BTBD9: variants seen among roughly 807,000 people sequenced by gnomAD.
The protein encoded by BTBD9 is BTB domain containing 9.
BTBD9 carries 49 observed loss-of-function variants against 64.3 expected under a neutral mutation model. That is an observed-to-expected ratio of 0.76 (90% CI 0.61 to 0.97). BTBD9 has a LOEUF of 0.97. Ranked by LOEUF, BTBD9 falls within the 50% of genes least tolerant of loss-of-function variation. The probability of loss-of-function intolerance (pLI) is 0.00; values close to 1 mark genes in which losing one functional copy is unlikely to be tolerated. For missense variants in BTBD9, 598 were observed against 762.1 expected (o/e 0.78, Z 2.53); for synonymous variants, 260 against 274.7 (o/e 0.95, Z 0.53).
At chr6:38,486,550 C>T (rs1053566198) in intron 6 of BTBD9, among the ~76,000 whole-genome samples, 8 of 152,074 alleles carry the variant, frequency 5.3e-5, no homozygotes, top group Non-Finnish European at 1.0e-4. Flanking sequence ...GATTGGAGGA[C>T]AGGGAGAGAT....
At chr6:38,588,346 A>AATT in intron 4 of BTBD9, 4 of 900,642 alleles carry the variant, frequency 4.4e-6, no homozygotes, top group Non-Finnish European at 7.5e-6. Flanking sequence ...TCAGCCTACT[A>AATT]ATTATACTGT....
chr6:38,586,462 T>C (rs138663858), intron 4 of BTBD9, among the ~76,000 whole-genome samples: 87 of 152,046 alleles, frequency 5.7e-4, no homozygotes, highest in African/African-American at 1.6e-3. Flanking sequence ...CCTTAGGACA[T>C]GCAGCTCTAA....
rs756989264 is a variant in BTBD9, at chr6:38,288,302, A to AACT, written c.1421_1423dup (p.Gln474_Leu475insTer). 2 of 1,614,158 alleles carry AACT rather than the reference A, an allele frequency of 1.2e-6. No homozygotes were observed. The highest frequency in any genetic ancestry group is 2.2e-5 in the South Asian group (2 of 91,084). On this transcript the variant is annotated stop_gained, in exon 8 of 11. Coordinates refer to ENST00000481247, the MANE Select transcript of BTBD9 (RefSeq NM_001099272.2). LOFTEE classifies it high-confidence loss of function. ...TGACCCAATCATGTACGGTTGTGCC[A>AACT]ACTGAACCACAATCGCACCACTTCC...
intron 8 of BTBD9, among the ~76,000 whole-genome samples, chr6:38,265,464 C>G (rs1397169303): frequency 6.7e-6 from 1 of 150,246 alleles, no homozygotes; most frequent in Non-Finnish European, 1.5e-5. Flanking sequence ...TGGGGCAAAA[C>G]TTTCCAAAAC....
chr6:38,512,201 G>A (rs1274138872), intron 6 of BTBD9, among the ~76,000 whole-genome samples: 2 of 151,990 alleles, frequency 1.3e-5, no homozygotes, highest in Non-Finnish European at 2.9e-5. Flanking sequence ...TCAAACTCCC[G>A]ATCTCAGGTG....
chr6:38,536,763 T>G (rs558720329), intron 6 of BTBD9, among the ~76,000 whole-genome samples: 1 of 152,140 alleles, frequency 6.6e-6, no homozygotes, highest in East Asian at 1.9e-4. Context: ...GCTAAAAAAA[T>G]GAAAACAATT....
intron 6 of BTBD9, among the ~76,000 whole-genome samples, chr6:38,412,702 T>A (rs1457712508): frequency 6.6e-6 from 1 of 151,858 alleles, no homozygotes; most frequent in East Asian, 1.9e-4. Context: ...CTACTAAAAA[T>A]ACAAAAATTA....
At chr6:38,281,900 AT>A (rs1347328161) in intron 8 of BTBD9, among the ~76,000 whole-genome samples, 9 of 152,306 alleles carry the variant, frequency 5.9e-5, no homozygotes, top group African/African-American at 2.2e-4. Flanking sequence ...CAATGTAAAA[AT>A]TGTTAATTTA....
intron 8 of BTBD9, among the ~76,000 whole-genome samples, chr6:38,275,813 A>G (rs1761213377): frequency 6.6e-6 from 1 of 152,096 alleles, no homozygotes; most frequent in Non-Finnish European, 1.5e-5. Context: ...AACTCACACC[A>G]GTTAGAATGG....
chr6:38,437,718 A>G (rs1432377281), intron 6 of BTBD9, among the ~76,000 whole-genome samples: 1 of 152,190 alleles, frequency 6.6e-6, no homozygotes, highest in Non-Finnish European at 1.5e-5. Flanking sequence ...AGGTTTCATT[A>G]ATGATAATTA....
At chr6:38,200,784 C>A (rs944702077) in intron 9 of BTBD9, among the ~76,000 whole-genome samples, 6 of 152,148 alleles carry the variant, frequency 3.9e-5, no homozygotes, top group African/African-American at 1.4e-4. Context: ...AGTCTCCCAA[C>A]AAAGAAAAGC....
At chr6:38,307,099 G>T (rs1210403353) in intron 7 of BTBD9, among the ~76,000 whole-genome samples, 1 of 152,148 alleles carries the variant, frequency 6.6e-6, no homozygotes, top group Non-Finnish European at 1.5e-5. Context: ...TTTTTTTAAA[G>T]GAGGAAACAC....
chr6:38,397,701 G>A (rs1766742955), intron 6 of BTBD9, among the ~76,000 whole-genome samples: 1 of 151,938 alleles, frequency 6.6e-6, no homozygotes, highest in African/African-American at 2.4e-5. Context: ...TGCAGAGTGA[G>A]AAAAGTGGAA....
chr6:38,382,777 C>A (rs766154300), intron 6 of BTBD9, among the ~76,000 whole-genome samples: 19 of 151,996 alleles, frequency 1.3e-4, no homozygotes, highest in Non-Finnish European at 2.4e-4. Flanking sequence ...TTATAAATAA[C>A]TTTAAGTCAA....
chr6:38,286,059 T>C (rs914567429), intron 8 of BTBD9, among the ~76,000 whole-genome samples: 5 of 152,206 alleles, frequency 3.3e-5, no homozygotes, highest in South Asian at 2.1e-4. Context: ...AGTTTATTTG[T>C]ACAGGTAGCT....
chr6:38,574,648 G>A (rs1035602449), intron 6 of BTBD9, among the ~76,000 whole-genome samples: 1 of 152,178 alleles, frequency 6.6e-6, no homozygotes, highest in Non-Finnish European at 1.5e-5. Context: ...ATGTAAATGT[G>A]CTGTATCATC....
At chr6:38,436,179 A>C (rs772179477) in intron 6 of BTBD9, among the ~76,000 whole-genome samples, 42 of 151,986 alleles carry the variant, frequency 2.8e-4, no homozygotes, top group Admixed American at 1.1e-3. Flanking sequence ...GTTAAGAGGT[A>C]AAGATTCCTG....
At chr6:38,202,361 G>T (rs918382027) in intron 9 of BTBD9, among the ~76,000 whole-genome samples, 1 of 151,060 alleles carries the variant, frequency 6.6e-6, no homozygotes, top group Non-Finnish European at 1.5e-5. Flanking sequence ...GATTACACAC[G>T]TGAGCCACTG....
intron 6 of BTBD9, among the ~76,000 whole-genome samples, chr6:38,351,504 GTTGTTTTTTT>G (rs1764508203): frequency 1.0e-5 from 1 of 96,696 alleles, no homozygotes; most frequent in Non-Finnish European, 2.0e-5. Flanking sequence ...TTTAATTGTT[GTTGTTTTTTT>G]TTTTTTTTTT....
Sources: allele counts gnomAD v4.1 joint callset (sites outside exome capture counted in the v4.1 genomes callset), GRCh38; gene constraint gnomAD v4.1.1; transcripts MANE v1.5; gene names NCBI Gene and HGNC (gene_info 2026-07-23, HGNC 2026-07-21).